GRM7: variants seen among roughly 807,000 people sequenced by gnomAD.
GRM7 encodes metabotropic glutamate receptor 7.
GRM7 carries 35 observed loss-of-function variants against 84.5 expected under a neutral mutation model. The ratio of observed to expected loss-of-function variants is 0.41; its 90% CI spans 0.32 to 0.55. The LOEUF (loss-of-function observed/expected upper bound fraction) is 0.55. GRM7 is among the 20% of genes least tolerant of loss of function. GRM7 has a pLI of 0.19. For synonymous variants in GRM7, 487 were observed against 455.1 expected, an observed-to-expected ratio of 1.07 and a Z score of -0.89; for missense variants, 1,003 against 1,194.6, an observed-to-expected ratio of 0.84 and a Z score of 2.36.
chr3:7,037,517 G>T (rs1041002404), intron 1 of GRM7, among the ~76,000 whole-genome samples: 5 of 152,164 alleles, frequency 3.3e-5, no homozygotes, highest in Non-Finnish European at 7.4e-5. Context: ...CACATAGGAA[G>T]TGCTCCACGA....
At chr3:7,659,220 A>T (rs922770089) in intron 8 of GRM7, among the ~76,000 whole-genome samples, 1 of 152,210 alleles carries the variant, frequency 6.6e-6, no homozygotes, top group African/African-American at 2.4e-5. Context: ...TACAATTTGC[A>T]GAATACTGGT....
intron 7 of GRM7, among the ~76,000 whole-genome samples, chr3:7,568,321 G>C (rs1694423590): frequency 6.6e-6 from 1 of 152,232 alleles, no homozygotes; most frequent in African/African-American, 2.4e-5. Flanking sequence ...ATTTACAGAA[G>C]AAAGAGCTTT....
chr3:7,215,699 C>A (rs116323329), intron 2 of GRM7, among the ~76,000 whole-genome samples: 7,232 of 145,630 alleles, frequency 0.05, 229 homozygotes, highest in Non-Finnish European at 0.076. Context: ...AAATAAATTT[C>A]TTTTCTACTC....
chr3:7,003,571 G>C (rs1202182081), intron 1 of GRM7, among the ~76,000 whole-genome samples: 1 of 152,144 alleles, frequency 6.6e-6, no homozygotes, highest in Non-Finnish European at 1.5e-5. Context: ...CCCACTGTAA[G>C]AGTGATAGGT....
In GRM7 at chr3:7,486,212, T is replaced by G. The variant is rs1699316350; in HGVS notation, c.1515+24490T>G. 6.6e-6 allele frequency among the ~76,000 whole-genome samples: 1 copy of G among 152,224 alleles called. No individual in the cohort carries two copies. Among genetic ancestry groups the G allele is most frequent in the Non-Finnish European group, 1.5e-5 (1 of 68,046 alleles). Reference sequence around the variant, plus strand: ...AAAATGTCATGAGTTTTCATAATTTTTTGGTTCCTTCTATTTCCCCTTGTT... The same window carrying G: ...AAAATGTCATGAGTTTTCATAATTTGTTGGTTCCTTCTATTTCCCCTTGTT... On this transcript the variant is annotated intron_variant, in intron 7 of 9. Coordinates refer to ENST00000357716, the MANE Select transcript of GRM7 (RefSeq NM_000844.4). The surrounding 1 kb of genome is among the most constrained non-coding windows in gnomAD (Gnocchi z 5.5).
intron 7 of GRM7, among the ~76,000 whole-genome samples, chr3:7,506,110 TG>T (rs1700032406): frequency 6.6e-6 from 1 of 152,210 alleles, no homozygotes; most frequent in Non-Finnish European, 1.5e-5. Context: ...CTATTTTCTT[TG>T]ACCAGATATC....
chr3:7,569,777 G>A (rs187460560), intron 7 of GRM7, among the ~76,000 whole-genome samples: 34 of 152,100 alleles, frequency 2.2e-4, no homozygotes, highest in South Asian at 1.5e-3. Context: ...AACACTCACC[G>A]CGAAGGTCCG....
At chr3:7,482,934 A>T (rs1052969134) in intron 7 of GRM7, among the ~76,000 whole-genome samples, 3 of 152,104 alleles carry the variant, frequency 2.0e-5, no homozygotes, top group Non-Finnish European at 2.9e-5. Flanking sequence ...GAAAAGAAAG[A>T]GCTAACATTT....
At chr3:7,364,612 A>G (rs1169118774) in intron 4 of GRM7, among the ~76,000 whole-genome samples, 1 of 151,672 alleles carries the variant, frequency 6.6e-6, no homozygotes, top group Non-Finnish European at 1.5e-5. Context: ...TTCTACCAGG[A>G]AATATACATT....
At chr3:7,502,226 CAT>C (rs139623435) in intron 7 of GRM7, among the ~76,000 whole-genome samples, 2,134 of 152,220 alleles carry the variant, frequency 0.014, 48 homozygotes, top group African/African-American at 0.049. Context: ...GTCAATAAGT[CAT>C]ATAACAACAA....
chr3:7,394,962 C>G lies in GRM7; in HGVS notation c.1034-20061C>G, dbSNP rs138880203. On this transcript the variant is annotated intron_variant, in intron 4 of 9. Transcript: ENST00000357716. ...CTGAGGCAGGAGAGTTGCTTGAACC[C>G]AGGAGGTGGAGGTTGCAGTGAGCTG... is the stretch of plus-strand genomic sequence containing the variant. Among the ~76,000 whole-genome samples, 546 of 151,530 alleles carry G rather than the reference C, an allele frequency of 3.6e-3. 3 individuals are homozygous for G. The highest frequency in any genetic ancestry group is 0.013 in the African/African-American group (522 of 41,274).
intron 9 of GRM7, among the ~76,000 whole-genome samples, chr3:7,725,508 C>T (rs1702091845): frequency 6.6e-6 from 1 of 152,170 alleles, no homozygotes; most frequent in African/African-American, 2.4e-5. Flanking sequence ...CAGGCACACA[C>T]ACACACACAG....
Position 6,862,732 on chromosome 3 carries a change from C to T in GRM7, c.519+825C>T, listed in dbSNP as rs1395097257. On this transcript the variant is annotated intron_variant, in intron 1 of 9. Coordinates refer to ENST00000357716, the MANE Select transcript of GRM7 (RefSeq NM_000844.4). This position sits in a 1 kb window ranked among gnomAD's most constrained non-coding sequence, Gnocchi z 5.2. The stretch of plus-strand genomic sequence containing the variant: ...CTGCCTCCTCCCTCCTCCCCCCCGC[C>T]CCCCTCACCCACTATCTCCCTGACG... 3.5e-6 allele frequency: 1 copy of T among 284,590 alleles called. No individual in the cohort carries two copies. Among genetic ancestry groups the T allele is most frequent in the Non-Finnish European group, 7.0e-6 (1 of 142,786 alleles). 17.6% of individuals were successfully genotyped at this position (284,590 alleles called of 1,614,324 possible).
chr3:7,637,300 T>G (rs1293178053), intron 8 of GRM7, among the ~76,000 whole-genome samples: 5 of 152,296 alleles, frequency 3.3e-5, no homozygotes, highest in African/African-American at 1.2e-4. Flanking sequence ...TGAGCCACCA[T>G]GCTCACTTTA....
At chr3:7,317,757 AT>A (rs1308748809) in intron 4 of GRM7, among the ~76,000 whole-genome samples, 1 of 151,324 alleles carries the variant, frequency 6.6e-6, no homozygotes, top group Non-Finnish European at 1.5e-5. Flanking sequence ...GAATTCTCTG[AT>A]TTTCTACAAA....
rs556182172 is a variant in GRM7, at chr3:7,109,709, T to C, written c.520-36743T>C. Among the ~76,000 whole-genome samples, 11 of 152,280 alleles carry C rather than the reference T, an allele frequency of 7.2e-5. 1 individual carries two copies. The South Asian group carries it at 1.5e-3, about 20-fold the overall frequency. On this transcript the variant is annotated intron_variant, in intron 1 of 9. Coordinates refer to ENST00000357716, the MANE Select transcript of GRM7 (RefSeq NM_000844.4). The stretch of plus-strand genomic sequence containing the variant: ...ACTAAAAATAAAAGATGATATCAAA[T>C]GAATCAATTCACTTGCCAGTAAAAG...
At chr3:7,576,257 G>A (rs1282923325) in intron 7 of GRM7, among the ~76,000 whole-genome samples, 1 of 152,128 alleles carries the variant, frequency 6.6e-6, no homozygotes, top group African/African-American at 2.4e-5. Flanking sequence ...ACTCTGGGAT[G>A]GCTTCCAGTG....
chr3:7,137,934 G>A (rs1693822278), intron 1 of GRM7, among the ~76,000 whole-genome samples: 3 of 152,016 alleles, frequency 2.0e-5, no homozygotes, highest in African/African-American at 7.2e-5. Flanking sequence ...ACACATCAGA[G>A]AAGACTGAGC....
rs1161068696 is a variant in GRM7 at position 7,247,520 on chromosome 3, G to C, written c.737-51164G>C. On this transcript the variant is annotated intron_variant, in intron 2 of 9. Transcript: ENST00000357716. ...AGGCTGAGACAGGAGGATAACTTGA[G>C]CCCAGGAGTTTAAGGCTGCAATGAG... Among the ~76,000 whole-genome samples the C allele has an allele frequency of 4.0e-5, 6 of 150,372 alleles. No homozygotes were observed. The Admixed American group carries it at 4.0e-4, about 10-fold the overall frequency.
Sources: allele counts gnomAD v4.1 joint callset (sites outside exome capture counted in the v4.1 genomes callset), GRCh38; gene constraint gnomAD v4.1.1; non-coding constraint Gnocchi (gnomAD v3.1); transcripts MANE v1.5; gene names NCBI Gene and HGNC (gene_info 2026-07-23, HGNC 2026-07-21).